VAT1L: variants seen among roughly 807,000 people sequenced by gnomAD.
VAT1L encodes vesicle amine transport 1 like, also known as putative NADPH-dependent quinone oxidoreductase VAT1L.
In VAT1L, 34 loss-of-function variants were observed where a neutral mutation model predicts 44.1. That is an observed-to-expected ratio of 0.77 (90% confidence interval 0.59 to 1.03). VAT1L has a LOEUF of 1.03. VAT1L is among the 50% of genes least tolerant of loss of function. The pLI is 0.00. For missense variants in VAT1L, 615 were observed against 538.8 expected, an observed-to-expected ratio of 1.14 and a Z score of -1.40; for synonymous variants, 253 against 202.2, an observed-to-expected ratio of 1.25 and a Z score of -2.13.
chr16:77,943,029 G>C (rs946158128), intron 7 of VAT1L, among the ~76,000 whole-genome samples: 1 of 150,828 alleles, frequency 6.6e-6, no homozygotes, highest in Non-Finnish European at 1.5e-5. Flanking sequence ...ACAGGTGTGA[G>C]CCACTGTGCC....
At position 77,919,581 on chromosome 16, in the gene VAT1L, A is replaced by G. The variant is rs140282853; in HGVS notation, c.1077+34779A>G. ...TGCCTTCTCAGATCCCATTTTTTCA[A>G]TTGGTGGCTCTCATGCAGATGAGTG... On this transcript the variant is annotated intron_variant, in intron 7 of 8. Coordinates refer to ENST00000302536, the MANE Select transcript of VAT1L (RefSeq NM_020927.3). 6.6e-5 allele frequency among the ~76,000 whole-genome samples: 10 copies of G among 152,230 alleles called. No individual in the cohort carries two copies. In the East Asian group the frequency reaches 9.7e-4, roughly 15 times the overall value.
chr16:77,924,359 C>T (rs2017643897), intron 7 of VAT1L, among the ~76,000 whole-genome samples: 1 of 152,110 alleles, frequency 6.6e-6, no homozygotes. Flanking sequence ...ACATATCAGG[C>T]ATTTTAAGCT....
At chr16:77,926,087 C>G (rs2142498050) in intron 7 of VAT1L, among the ~76,000 whole-genome samples, 1 of 150,496 alleles carries the variant, frequency 6.6e-6, no homozygotes, top group South Asian at 2.1e-4. Flanking sequence ...ACTGTGAAAC[C>G]CCGTCTCTAC....
At chr16:77,900,158 G>C (rs181012011) in intron 7 of VAT1L, among the ~76,000 whole-genome samples, 1 of 152,154 alleles carries the variant, frequency 6.6e-6, no homozygotes, top group Non-Finnish European at 1.5e-5. Context: ...TCATTACACA[G>C]ATATGTGTGT....
At chr16:77,870,293 C>T (rs543614092) in intron 4 of VAT1L, among the ~76,000 whole-genome samples, 1 of 152,212 alleles carries the variant, frequency 6.6e-6, no homozygotes, top group Admixed American at 6.5e-5. Context: ...GCCAGGCACT[C>T]GGAAATAGTC....
intron 1 of VAT1L, among the ~76,000 whole-genome samples, chr16:77,809,450 T>G (rs1317650716): frequency 1.3e-5 from 1 of 75,500 alleles, no homozygotes; most frequent in African/African-American, 3.9e-5. Context: ...GAGTCCATTC[T>G]TTTTTGATCT....
intron 6 of VAT1L, among the ~76,000 whole-genome samples, chr16:77,880,154 GA>G (rs1197768632): frequency 6.6e-6 from 1 of 152,068 alleles, no homozygotes; most frequent in Non-Finnish European, 1.5e-5. Flanking sequence ...GAATTATACT[GA>G]TGTTGGCTTG....
At chr16:77,946,531 C>G (rs1027578572) in intron 7 of VAT1L, among the ~76,000 whole-genome samples, 1 of 152,096 alleles carries the variant, frequency 6.6e-6, no homozygotes, top group Admixed American at 6.5e-5. Flanking sequence ...ATCTGCCCGC[C>G]TCAGCCTCCC....
At chr16:77,942,234 C>G (rs1303510253) in intron 7 of VAT1L, among the ~76,000 whole-genome samples, 1 of 152,130 alleles carries the variant, frequency 6.6e-6, no homozygotes, top group East Asian at 1.9e-4. Context: ...CAAGAGATAA[C>G]TTGTGCAGGG....
At chr16:77,934,762 C>A (rs1345744731) in intron 7 of VAT1L, among the ~76,000 whole-genome samples, 1 of 152,076 alleles carries the variant, frequency 6.6e-6, no homozygotes, top group Admixed American at 6.6e-5. Flanking sequence ...ACTGTTCAAT[C>A]TTAAAATGGA....
chr16:77,811,378 G>C (rs1360565526), intron 1 of VAT1L, among the ~76,000 whole-genome samples: 1 of 152,054 alleles, frequency 6.6e-6, no homozygotes, highest in Non-Finnish European at 1.5e-5. Context: ...TATCTTTTAA[G>C]AAATCAAATG....
Position 77,970,340 on chromosome 16 carries a change from C to T in VAT1L, c.1078-1510C>T, listed in dbSNP as rs539450845. ...TTGATAATATGTTACCAGACTGACG[C>T]TAAAGTTAAAAGGCATCCATTTCTT... On this transcript the variant is annotated intron_variant, in intron 7 of 8. Transcript: ENST00000302536. 2.0e-5 allele frequency among the ~76,000 whole-genome samples: 3 copies of T among 152,284 alleles called. No homozygotes were observed. In the South Asian group the frequency reaches 6.2e-4, roughly 32 times the overall value.
Position 77,979,060 on chromosome 16 carries a change from T to A in VAT1L, c.*1365T>A, listed in dbSNP as rs2018371693. On this transcript the variant is annotated 3_prime_UTR_variant, in exon 9 of 9. Transcript: ENST00000302536. ...GAGGGATTTTACATTGCCCAGTTTC[T>A]CCACCAACAAGCCTTAGGGTGGACC... 1.3e-5 allele frequency: 2 copies of A among 152,420 alleles called. No homozygotes were observed. Among genetic ancestry groups the A allele is most frequent in the Non-Finnish European group, 2.9e-5 (2 of 68,042 alleles). The allele number at this position is 152,420 out of a possible 1,614,324, so 9.4% of individuals were successfully genotyped here.
chr16:77,969,573 A>T (rs2018257498), intron 7 of VAT1L, among the ~76,000 whole-genome samples: 2 of 152,038 alleles, frequency 1.3e-5, no homozygotes, highest in Admixed American at 1.3e-4. Context: ...CAGAACAAGG[A>T]AGCATCAAGA....
intron 3 of VAT1L, among the ~76,000 whole-genome samples, chr16:77,857,340 C>G (rs2016869482): frequency 6.6e-6 from 1 of 152,186 alleles, no homozygotes; most frequent in African/African-American, 2.4e-5. Context: ...AAATGAGCTG[C>G]TGATCCTGCA....
intron 4 of VAT1L, among the ~76,000 whole-genome samples, chr16:77,864,064 CAT>C (rs1172593315): frequency 1.3e-5 from 2 of 152,158 alleles, no homozygotes; most frequent in African/African-American, 4.8e-5. Flanking sequence ...ATCATGGCCA[CAT>C]GTTTGTCAGC....
At chr16:77,875,866 A>G (rs1055991338) in intron 4 of VAT1L, among the ~76,000 whole-genome samples, 9 of 152,184 alleles carry the variant, frequency 5.9e-5, no homozygotes, top group Admixed American at 3.9e-4. Flanking sequence ...AGGCCCTGCT[A>G]GAGAAGCAGC....
chr16:77,800,131 T>C (rs975972956), intron 1 of VAT1L: 13 of 152,216 alleles, frequency 8.5e-5, no homozygotes, highest in African/African-American at 2.4e-4. Flanking sequence ...TATGTTTTCA[T>C]AGGACTATAT....
chr16:77,830,261 T>C (rs2016565009), intron 3 of VAT1L, among the ~76,000 whole-genome samples: 1 of 152,178 alleles, frequency 6.6e-6, no homozygotes, highest in African/African-American at 2.4e-5. Context: ...TCATATGCTG[T>C]TTTTTTCTTT....
Sources: gnomAD v4.1 joint callset for allele counts (sites outside exome capture counted in the v4.1 genomes callset) on GRCh38, gnomAD v4.1.1 for gene constraint, MANE v1.5 for transcripts, NCBI Gene and HGNC (gene_info 2026-07-23, HGNC 2026-07-21) for gene names.